Variants in PXDNL observed in about 807,000 individuals in gnomAD.
The protein encoded by PXDNL is peroxidasin like.
A neutral mutation model predicts 150.8 loss-of-function variants in PXDNL; 145 were observed. That is an observed-to-expected ratio of 0.96 (90% CI 0.84 to 1.10). PXDNL has a LOEUF of 1.10. PXDNL is among the 50% of genes least tolerant of loss of function. The probability of loss-of-function intolerance (pLI) is 0.00; values close to 1 mark genes in which losing one functional copy is unlikely to be tolerated. For synonymous variants in PXDNL, 757 were observed against 725.7 expected (o/e 1.04, Z -0.69); for missense variants, 2,087 against 1,873.9 (o/e 1.11, Z -2.10).
At chr8:51,350,179 C>T (rs1430996946) in intron 19 of PXDNL, among the ~76,000 whole-genome samples, 1 of 151,760 alleles carries the variant, frequency 6.6e-6, no homozygotes, top group Admixed American at 6.6e-5. Context: ...AGCTGGTCGC[C>T]CAAGATAGGG....
intron 1 of PXDNL, among the ~76,000 whole-genome samples, chr8:51,745,533 G>A (rs1315682770): frequency 6.6e-6 from 1 of 152,172 alleles, no homozygotes; most frequent in South Asian, 2.1e-4. Context: ...TAAAGCAGCA[G>A]ATTTATTCAT....
At chr8:51,787,682 C>T (rs1269720705) in intron 1 of PXDNL, among the ~76,000 whole-genome samples, 1 of 152,230 alleles carries the variant, frequency 6.6e-6, no homozygotes, top group Non-Finnish European at 1.5e-5. Context: ...GGTGAAGATA[C>T]TGTGAACACT....
At chr8:51,679,549 T>C (rs1371291572) in intron 1 of PXDNL, among the ~76,000 whole-genome samples, 2 of 152,200 alleles carry the variant, frequency 1.3e-5, no homozygotes, top group Non-Finnish European at 2.9e-5. Context: ...TGCTCAATAA[T>C]TTATATCTAC....
intron 1 of PXDNL, among the ~76,000 whole-genome samples, chr8:51,783,686 C>A (rs1437633974): frequency 1.3e-5 from 2 of 152,100 alleles, no homozygotes; most frequent in African/African-American, 4.8e-5. Context: ...ATACACATAT[C>A]TAAATTTGGG....
intron 17 of PXDNL, among the ~76,000 whole-genome samples, chr8:51,376,399 A>G (rs1807310234): frequency 6.6e-6 from 1 of 151,998 alleles, no homozygotes; most frequent in African/African-American, 2.4e-5. Context: ...GACTTTTTAG[A>G]TTTCCAAGTG....
chr8:51,699,777 A>G (rs993375207), intron 1 of PXDNL, among the ~76,000 whole-genome samples: 4 of 152,164 alleles, frequency 2.6e-5, no homozygotes, highest in Non-Finnish European at 5.9e-5. Flanking sequence ...TTTCAATATC[A>G]TGTCTTAAGG....
chr8:51,687,398 T>C (rs567987593), intron 1 of PXDNL, among the ~76,000 whole-genome samples: 9 of 152,246 alleles, frequency 5.9e-5, no homozygotes, highest in Non-Finnish European at 1.0e-4. Flanking sequence ...ATTATGTCTA[T>C]AGTCATTATC....
chr8:51,479,517 G>A (rs1810554149), intron 6 of PXDNL, among the ~76,000 whole-genome samples: 2 of 152,226 alleles, frequency 1.3e-5, no homozygotes, highest in South Asian at 4.1e-4. Flanking sequence ...CCAAATGGCT[G>A]TTGCAGCCAG....
intron 2 of PXDNL, among the ~76,000 whole-genome samples, chr8:51,597,143 A>G (rs2130668410): frequency 6.6e-6 from 1 of 152,310 alleles, no homozygotes; most frequent in Admixed American, 6.5e-5. Flanking sequence ...CTATTCTAGC[A>G]CCATTTATTG....
At chr8:51,374,573 T>G (rs1807238383) in intron 18 of PXDNL, 24 bp downstream of exon 18, 1 of 1,607,776 alleles carries the variant, frequency 6.2e-7, no homozygotes, top group Non-Finnish European at 8.5e-7. Flanking sequence ...TGATATTTAA[T>G]AAGTATAACA....
At chr8:51,381,187 C>A (rs911581288) in intron 17 of PXDNL, among the ~76,000 whole-genome samples, 1 of 152,122 alleles carries the variant, frequency 6.6e-6, no homozygotes, top group African/African-American at 2.4e-5. Context: ...CTAAATGACT[C>A]CATGGGCCTT....
chr8:51,592,708 C>T lies in PXDNL; in HGVS notation c.237-10G>A. ...GTTGTTGTTCAGCAGACTGAAAAAG[C>T]AAAAACAAACAAATAATTCCCAAAT... is the stretch of plus-strand genomic sequence containing the variant. On this transcript the variant is annotated splice_polypyrimidine_tract_variant and intron_variant, in intron 2 of 22. Transcript: ENST00000356297. 1 of 1,531,084 alleles carries T rather than the reference C, an allele frequency of 6.5e-7. No individual in the cohort carries two copies. 94.8% of individuals were successfully genotyped at this position (1,531,084 alleles called of 1,614,324 possible). A position where few individuals can be genotyped will look rare whatever the true frequency, so the allele number is the denominator to read the frequency against.
chr8:51,405,509 A>G (rs1808412714), intron 17 of PXDNL, among the ~76,000 whole-genome samples: 1 of 152,230 alleles, frequency 6.6e-6, no homozygotes, highest in South Asian at 2.1e-4. Context: ...AAGTGATTTA[A>G]AAACAAAGTC....
At chr8:51,390,298 A>C (rs1807852627) in intron 17 of PXDNL, among the ~76,000 whole-genome samples, 1 of 152,182 alleles carries the variant, frequency 6.6e-6, no homozygotes, top group Non-Finnish European at 1.5e-5. Context: ...TTTTAGAGCC[A>C]TTTAAAAGCA....
intron 1 of PXDNL, among the ~76,000 whole-genome samples, chr8:51,764,750 T>C (rs2037206784): frequency 6.6e-6 from 1 of 152,204 alleles, no homozygotes; most frequent in Non-Finnish European, 1.5e-5. Context: ...AGAGCATGTT[T>C]TATGTGCACT....
intron 1 of PXDNL, among the ~76,000 whole-genome samples, chr8:51,727,752 A>G (rs1816841822): frequency 6.6e-6 from 1 of 152,212 alleles, no homozygotes; most frequent in African/African-American, 2.4e-5. Flanking sequence ...CTATGCCTAA[A>G]TGAGGCAAAC....
At chr8:51,735,941 C>G (rs1186680548) in intron 1 of PXDNL, among the ~76,000 whole-genome samples, 1 of 152,144 alleles carries the variant, frequency 6.6e-6, no homozygotes, top group Non-Finnish European at 1.5e-5. Flanking sequence ...AGGGGTTCCT[C>G]CCAGAAAATG....
intron 2 of PXDNL, among the ~76,000 whole-genome samples, chr8:51,625,979 T>C (rs1467158424): frequency 5.9e-5 from 9 of 152,192 alleles, no homozygotes; most frequent in Admixed American, 5.2e-4. Context: ...CATTGTACCA[T>C]ACCAGAAATA....
rs538897133 is a variant in PXDNL at position 51,345,932 on chromosome 8, C to T, written c.3917G>A (p.Gly1306Glu). The T allele has an allele frequency of 5.8e-5, 93 of 1,610,358 alleles. No individual in the cohort carries two copies. Among genetic ancestry groups the T allele is most frequent in the South Asian group, 3.3e-4 (30 of 91,032 alleles). The change falls in exon 20 of 23, where the codon GGA (glycine) becomes GAA (glutamate). Residue 1306 changes from glycine (G) to glutamate (E), a missense_variant. Physicochemically the swap from Gly to Glu is moderately conservative, Grantham distance 98 (BLOSUM62 -2). Transcript: ENST00000356297. The part of the protein sequence containing the change: ...QDCCADCRSR[G>E]QFRAVTQESQ... ...CTCTTGCGTCACTGCTCTGAACTGT[C>T]CTCTACTCCTACAGTCTGTGGGGAA...
Sources: gnomAD v4.1 joint callset for allele counts (sites outside exome capture counted in the v4.1 genomes callset) on GRCh38, gnomAD v4.1.1 for gene constraint, MANE v1.5 for transcripts, NCBI Gene and HGNC (gene_info 2026-07-23, HGNC 2026-07-21) for gene names.